Variants in WWOX observed in about 807,000 individuals in gnomAD.
WWOX encodes the protein WW domain containing oxidoreductase.
Under a neutral mutation model 46.2 loss-of-function variants are expected in WWOX, and 69 were observed. The observed-to-expected ratio is 1.49, with a 90% CI of 1.23 to 1.82. WWOX has a LOEUF of 1.82. Among genes scored for constraint, WWOX ranks in the 40% most tolerant of loss-of-function variants. The pLI is 0.00. For synonymous variants in WWOX, 359 were observed against 202.6 expected (o/e 1.77, Z -6.56); for missense variants, 919 against 542.6 (o/e 1.69, Z -6.89).
At chr16:78,560,453 G>C (rs1170262141) in intron 8 of WWOX, among the ~76,000 whole-genome samples, 1 of 152,102 alleles carries the variant, frequency 6.6e-6, no homozygotes, top group Non-Finnish European at 1.5e-5. Flanking sequence ...AACCAGCCTG[G>C]CCAACATGGT....
chr16:79,138,454 C>T (rs1332401076), intron 8 of WWOX, among the ~76,000 whole-genome samples: 1 of 152,206 alleles, frequency 6.6e-6, no homozygotes, highest in Non-Finnish European at 1.5e-5. Context: ...TCTTGCCAGA[C>T]ACATTCCTCG....
intron 8 of WWOX, among the ~76,000 whole-genome samples, chr16:78,955,687 A>T (rs1028344594): frequency 1.3e-5 from 2 of 151,432 alleles, no homozygotes; most frequent in African/African-American, 4.8e-5. Flanking sequence ...GTCTTGCTCT[A>T]TTGCCCAGGC....
intron 8 of WWOX, among the ~76,000 whole-genome samples, chr16:78,976,306 G>T (rs1001897658): frequency 6.6e-6 from 1 of 152,094 alleles, no homozygotes; most frequent in African/African-American, 2.4e-5. Context: ...TATTTCTTAC[G>T]TAGTTTTGAA....
chr16:79,023,304 G>A (rs1438121911), intron 8 of WWOX, among the ~76,000 whole-genome samples: 1 of 152,210 alleles, frequency 6.6e-6, no homozygotes, highest in Non-Finnish European at 1.5e-5. Context: ...TGAATTCAGA[G>A]TGCTTTATAG....
chr16:78,374,049 A>C (rs2081759122), intron 5 of WWOX, among the ~76,000 whole-genome samples: 2 of 152,214 alleles, frequency 1.3e-5, no homozygotes, highest in African/African-American at 4.8e-5. Flanking sequence ...GGCCTCCCAC[A>C]GTGTGGGGAT....
chr16:78,798,866 A>G (rs2050812378), intron 8 of WWOX, among the ~76,000 whole-genome samples: 1 of 152,150 alleles, frequency 6.6e-6, no homozygotes, highest in African/African-American at 2.4e-5. Context: ...CTGAATACAG[A>G]TTAGGCAGTG....
chr16:79,070,547 G>A (rs548703245), intron 8 of WWOX, among the ~76,000 whole-genome samples: 5 of 152,282 alleles, frequency 3.3e-5, no homozygotes, highest in East Asian at 1.9e-4. Context: ...GATGAGCAAA[G>A]CTCCTTGGCA....
chr16:78,963,459 C>A (rs954805153), intron 8 of WWOX, among the ~76,000 whole-genome samples: 27 of 152,230 alleles, frequency 1.8e-4, no homozygotes, highest in African/African-American at 6.0e-4. Context: ...CAGAGTAATA[C>A]CCCGTCTCAG....
intron 8 of WWOX, among the ~76,000 whole-genome samples, chr16:78,974,924 C>T (rs2046541978): frequency 6.6e-6 from 1 of 152,136 alleles, no homozygotes; most frequent in Non-Finnish European, 1.5e-5. Flanking sequence ...CCGATGCAGC[C>T]TCGGAATTTA....
chr16:78,611,374 GC>G (rs2045896365), intron 8 of WWOX, among the ~76,000 whole-genome samples: 2 of 152,304 alleles, frequency 1.3e-5, no homozygotes, highest in Admixed American at 1.3e-4. Context: ...GGGGCTGGGG[GC>G]CAAGGAGATT....
intron 8 of WWOX, among the ~76,000 whole-genome samples, chr16:78,657,927 T>G (rs115017357): frequency 0.042 from 6,419 of 152,224 alleles, 420 homozygotes; most frequent in African/African-American, 0.15. Context: ...TAATACTCAA[T>G]AAATTACTTT....
At chr16:78,717,277 C>T (rs940285194) in intron 8 of WWOX, among the ~76,000 whole-genome samples, 26 of 152,086 alleles carry the variant, frequency 1.7e-4, no homozygotes, top group African/African-American at 5.3e-4. Context: ...TATAGAGATC[C>T]AGTAGTTAAG....
chr16:79,092,290 CA>C (rs2048977812), intron 8 of WWOX, among the ~76,000 whole-genome samples: 1 of 152,164 alleles, frequency 6.6e-6, no homozygotes, highest in Admixed American at 6.5e-5. Flanking sequence ...AAAGAGATAA[CA>C]GAGGGGAAGC....
At chr16:79,104,046 G>GGA (rs2049257934) in intron 8 of WWOX, among the ~76,000 whole-genome samples, 1 of 120,852 alleles carries the variant, frequency 8.3e-6, no homozygotes, top group Non-Finnish European at 1.8e-5. Context: ...TTGGGGGGGG[G>GGA]GGGGCGGGTG....
At chr16:78,434,991 A>G (rs893591478) in intron 8 of WWOX, among the ~76,000 whole-genome samples, 34 of 152,244 alleles carry the variant, frequency 2.2e-4, no homozygotes, top group African/African-American at 8.2e-4. Context: ...AATATTTAAT[A>G]TAATATGCTT....
At chr16:78,475,163 C>G (rs911375097) in intron 8 of WWOX, among the ~76,000 whole-genome samples, 4 of 152,130 alleles carry the variant, frequency 2.6e-5, no homozygotes, top group African/African-American at 9.7e-5. Flanking sequence ...CAAAGGCTGG[C>G]TCATTAATAG....
chr16:78,132,877 C>T (rs965211446), intron 4 of WWOX, among the ~76,000 whole-genome samples: 4 of 152,152 alleles, frequency 2.6e-5, no homozygotes, highest in Non-Finnish European at 5.9e-5. Context: ...TGCTCCATTC[C>T]ATTTCCCAGC....
intron 8 of WWOX, among the ~76,000 whole-genome samples, chr16:78,937,509 G>T (rs772436709): frequency 7.2e-6 from 1 of 138,446 alleles, no homozygotes; most frequent in South Asian, 2.2e-4. Context: ...TGCCCAGGCT[G>T]GTCTCAAACT....
chr16:78,556,261 T>TAAA lies in WWOX; in HGVS notation c.1056+123522_1056+123524dup, dbSNP rs879764844. Among the ~76,000 whole-genome samples the TAAA allele has an allele frequency of 2.4e-5, 3 of 126,922 alleles. No individual in the cohort carries two copies. The South Asian group carries it at 7.6e-4, about 32-fold the overall frequency. The allele number at this position is 126,922 out of a possible 152,430, so 83.3% of individuals were successfully genotyped here. On this transcript the variant is annotated intron_variant, in intron 8 of 8. Coordinates refer to ENST00000566780, the MANE Select transcript of WWOX (RefSeq NM_016373.4). ...AAACAGGGTACTTTCCCTCCTCCTC[T>TAAA]AAAAAAAAAAAAAAAGAAAAAATCC...
Sources: gnomAD v4.1 joint callset for allele counts (sites outside exome capture counted in the v4.1 genomes callset) on GRCh38, gnomAD v4.1.1 for gene constraint, MANE v1.5 for transcripts, NCBI Gene and HGNC (gene_info 2026-07-23, HGNC 2026-07-21) for gene names.